Variants in ASB5 observed in about 807,000 individuals in gnomAD.
ASB5 encodes ankyrin repeat and SOCS box protein 5.
ASB5 carries 45 observed loss-of-function variants against 42.1 expected under a neutral mutation model. The ratio of observed to expected loss-of-function variants is 1.07; its 90% CI spans 0.84 to 1.37. The LOEUF is 1.37. Among genes scored for constraint, ASB5 ranks in the 40% most tolerant of loss-of-function variants. ASB5 has a pLI of 0.00. For synonymous variants in ASB5, 147 were observed against 150.6 expected (o/e 0.98, Z 0.18); for missense variants, 402 against 399.8 (o/e 1.01, Z -0.05).
chr4:176,262,995 C>T (rs1754291279), intron 1 of ASB5, among the ~76,000 whole-genome samples: 1 of 152,172 alleles, frequency 6.6e-6, no homozygotes, highest in South Asian at 2.1e-4. Context: ...ATTTGATCCT[C>T]AATGTTGGAG....
intron 1 of ASB5, among the ~76,000 whole-genome samples, chr4:176,249,896 T>C (rs916225417): frequency 6.7e-6 from 1 of 148,384 alleles, no homozygotes; most frequent in African/African-American, 2.4e-5. Flanking sequence ...AAACCCCGTC[T>C]CTACTAAAAA....
At chr4:176,257,121 T>C (rs1487735108) in intron 1 of ASB5, among the ~76,000 whole-genome samples, 2 of 152,162 alleles carry the variant, frequency 1.3e-5, no homozygotes, top group Non-Finnish European at 2.9e-5. Context: ...TTAAGAAGGA[T>C]GGTTTGGCAA....
intron 5 of ASB5, among the ~76,000 whole-genome samples, chr4:176,217,238 G>T (rs1347706860): frequency 2.6e-5 from 4 of 151,968 alleles, no homozygotes; most frequent in East Asian, 1.9e-4. Context: ...ATGGCAGAGG[G>T]TACATACATT....
At chr4:176,220,536 A>C (rs1351309960) in intron 5 of ASB5, among the ~76,000 whole-genome samples, 1 of 152,054 alleles carries the variant, frequency 6.6e-6, no homozygotes, top group Admixed American at 6.6e-5. Flanking sequence ...TCGTAAGGGG[A>C]CTCTGAGTCC....
chr4:176,257,283 C>T (rs922605379), intron 1 of ASB5, among the ~76,000 whole-genome samples: 1 of 152,196 alleles, frequency 6.6e-6, no homozygotes, highest in African/African-American at 2.4e-5. Flanking sequence ...TCTTTCAGAG[C>T]AACCCAGGCT....
At chr4:176,261,096 G>T (rs1332334206) in intron 1 of ASB5, among the ~76,000 whole-genome samples, 1 of 152,132 alleles carries the variant, frequency 6.6e-6, no homozygotes, top group East Asian at 1.9e-4. Context: ...GCTTTTAATG[G>T]CATGGTTTAT....
At chr4:176,254,859 C>T (rs754670588) in intron 1 of ASB5, among the ~76,000 whole-genome samples, 4 of 152,248 alleles carry the variant, frequency 2.6e-5, no homozygotes, top group East Asian at 3.9e-4. Flanking sequence ...GGGCCAGGTG[C>T]GGTGGCTCAT....
chr4:176,219,683 CA>C (rs1753145891), intron 5 of ASB5, among the ~76,000 whole-genome samples: 1 of 144,972 alleles, frequency 6.9e-6, no homozygotes, highest in South Asian at 2.2e-4. Flanking sequence ...CAAGTTGCCT[CA>C]GCCTCTCGAG....
chr4:176,218,253 T>TATATATATTTGTATG (rs1753037271), intron 5 of ASB5, among the ~76,000 whole-genome samples: 1 of 15,192 alleles, frequency 6.6e-5, no homozygotes, highest in Non-Finnish European at 1.2e-4. Flanking sequence ...GATATATAAA[T>TATATATATTTGTATG]ATATATATAT....
chr4:176,220,412 A>G (rs1254360987), intron 5 of ASB5, among the ~76,000 whole-genome samples: 3 of 152,206 alleles, frequency 2.0e-5, no homozygotes, highest in African/African-American at 7.2e-5. Context: ...AATAAATAGC[A>G]TAGAACTCCA....
chr4:176,249,111 C>T (rs567713340), intron 1 of ASB5, among the ~76,000 whole-genome samples: 18 of 152,294 alleles, frequency 1.2e-4, no homozygotes, highest in East Asian at 1.2e-3. Flanking sequence ...GGATGACAGG[C>T]GTGGGCCACC....
In ASB5 at chr4:176,217,454, A is replaced by T. The variant is rs150248757; in HGVS notation, c.671-445T>A. 4.3e-4 allele frequency among the ~76,000 whole-genome samples: 66 copies of T among 152,156 alleles called. No individual in the cohort carries two copies. In the East Asian group the frequency reaches 8.3e-3, roughly 19 times the overall value. ...TTCTATTATTCTTTTCATTTATTTA[A>T]GGCAATGAAGCTCTTTGGTTTTCTT... On this transcript the variant is annotated intron_variant, in intron 5 of 6. Coordinates refer to ENST00000296525, the MANE Select transcript of ASB5 (RefSeq NM_080874.4).
chr4:176,218,723 C>T (rs62653450), intron 5 of ASB5, among the ~76,000 whole-genome samples: 3,990 of 9,108 alleles, frequency 0.44, 1,478 homozygotes, highest in African/African-American at 0.69. Flanking sequence ...ATGATATATA[C>T]ATTTGTATGA....
chr4:176,273,147 C>T (rs1754502531), upstream of ASB5, among the ~76,000 whole-genome samples: 1 of 151,964 alleles, frequency 6.6e-6, no homozygotes, highest in African/African-American at 2.4e-5. Context: ...CATCTAAAGG[C>T]TCTAATTGAC....
chr4:176,250,354 A>G (rs914956782), intron 1 of ASB5, among the ~76,000 whole-genome samples: 1 of 152,256 alleles, frequency 6.6e-6, no homozygotes, highest in Admixed American at 6.5e-5. Context: ...TTTAGCATTC[A>G]GAGCTAAAAG....
At chr4:176,224,395 C>G (rs530058111) in intron 2 of ASB5, among the ~76,000 whole-genome samples, 1 of 151,858 alleles carries the variant, frequency 6.6e-6, no homozygotes, top group Non-Finnish European at 1.5e-5. Context: ...CCACCATGCC[C>G]GGATCATTTT....
chr4:176,272,352 G>A (rs1192786250), upstream of ASB5, among the ~76,000 whole-genome samples: 1 of 152,170 alleles, frequency 6.6e-6, no homozygotes, highest in Non-Finnish European at 1.5e-5. Context: ...ACAAAAGGAT[G>A]AGGATAAAGG....
chr4:176,232,188 T>A (rs934300721), intron 1 of ASB5, among the ~76,000 whole-genome samples: 2 of 151,556 alleles, frequency 1.3e-5, no homozygotes, highest in African/African-American at 4.8e-5. Context: ...AATGGTGCGA[T>A]CTCGGCTCAC....
At chr4:176,219,249 T>C (rs1389251025) in intron 5 of ASB5, among the ~76,000 whole-genome samples, 3 of 112,114 alleles carry the variant, frequency 2.7e-5, no homozygotes, top group African/African-American at 1.1e-4. Flanking sequence ...TAAATATATA[T>C]GTATGATATA....
Sources: gnomAD v4.1 joint callset for allele counts (sites outside exome capture counted in the v4.1 genomes callset) on GRCh38, gnomAD v4.1.1 for gene constraint, MANE v1.5 for transcripts, NCBI Gene and HGNC (gene_info 2026-07-23, HGNC 2026-07-21) for gene names.